ZNF420: variants seen among roughly 807,000 people sequenced by gnomAD.
The protein encoded by ZNF420 is zinc finger protein 420.
A neutral mutation model predicts 44.7 loss-of-function variants in ZNF420; 31 were observed. The observed-to-expected ratio is 0.69, with a 90% CI of 0.52 to 0.94. The LOEUF (loss-of-function observed/expected upper bound fraction) is 0.94. Among genes scored for constraint, ZNF420 ranks in the 40% least tolerant of loss-of-function variants. ZNF420 has a pLI of 0.00. For missense variants in ZNF420, 681 were observed against 827.9 expected (o/e 0.82, Z 2.18); for synonymous variants, 245 against 267.4 (o/e 0.92, Z 0.82).
intron 1 of ZNF420, chr19:37,025,224 T>A: frequency 2.8e-6 from 1 of 357,690 alleles, no homozygotes. Flanking sequence ...ATTCATAGGT[T>A]TTCTCAGCAT....
intron 1 of ZNF420, among the ~76,000 whole-genome samples, chr19:37,056,679 C>G (rs1179003670): frequency 6.6e-6 from 1 of 152,182 alleles, no homozygotes; most frequent in Non-Finnish European, 1.5e-5. Flanking sequence ...CTTCCCACCT[C>G]AACAGATAAG....
At chr19:37,014,055 C>T (rs569477359) in intron 1 of ZNF420, among the ~76,000 whole-genome samples, 5 of 152,292 alleles carry the variant, frequency 3.3e-5, no homozygotes, top group South Asian at 2.1e-4. Flanking sequence ...GGGCCTGTGC[C>T]GGAGAACAAG....
intron 1 of ZNF420, among the ~76,000 whole-genome samples, chr19:37,049,443 G>C (rs899547102): frequency 1.3e-5 from 2 of 152,180 alleles, no homozygotes; most frequent in African/African-American, 4.8e-5. Flanking sequence ...TTGTGGTTTT[G>C]ATTTGCATTT....
chr19:37,120,048 GA>G (rs1293697269), intron 4 of ZNF420, among the ~76,000 whole-genome samples: 1 of 152,152 alleles, frequency 6.6e-6, no homozygotes, highest in Non-Finnish European at 1.5e-5. Context: ...GAGGTACAAG[GA>G]GGAGCTGGTA....
chr19:37,019,917 G>A lies in ZNF420; in HGVS notation c.-125+11835G>A, dbSNP rs117688127. Among the ~76,000 whole-genome samples the A allele has an allele frequency of 6.4e-4, 97 of 151,364 alleles. No individual in the cohort carries two copies. In the East Asian group the frequency reaches 0.017, roughly 27 times the overall value. On this transcript the variant is annotated intron_variant, in intron 1 of 4. Transcript: ENST00000587029. ...AGCATCGCCATCTTGGACAAACACC[G>A]CCATTTTAAATTCCCCTTGGCCGAG...
At chr19:37,095,743 C>A (rs1045561014) in intron 4 of ZNF420, among the ~76,000 whole-genome samples, 1 of 152,094 alleles carries the variant, frequency 6.6e-6, no homozygotes, top group Admixed American at 6.6e-5. Flanking sequence ...GGATTACAGG[C>A]GCCCGCAGCC....
Position 37,128,765 on chromosome 19 carries a change from T to A in ZNF420, c.1774T>A (p.Cys592Ser). 1 of 1,613,100 alleles carries A rather than the reference T, an allele frequency of 6.2e-7. No homozygotes were observed. Among genetic ancestry groups the A allele is most frequent in the Non-Finnish European group, 8.5e-7 (1 of 1,179,834 alleles). The change falls in exon 5 of 5, where the codon TGT (cysteine) becomes AGT (serine). Residue 592 changes from cysteine (C) to serine (S), a missense_variant. By Grantham distance (112) the Cys-to-Ser change is moderately radical. Around this residue, in one of 3 missense-constraint regions of ZNF420, gnomAD observed 280 missense variants for 338.6 expected, o/e 0.83. Coordinates refer to ENST00000337995, the MANE Select transcript of ZNF420 (RefSeq NM_144689.5). ...AGAAAAACCCTATGAATGCAAGGAG[T>A]GTGGCAAGGCCTTTAGTCATGGCTC... ...TGEKPYECKE[C>S]GKAFSHGSQL...
chr19:37,044,702 C>A (rs1967514024), intron 1 of ZNF420, among the ~76,000 whole-genome samples: 4 of 152,072 alleles, frequency 2.6e-5, no homozygotes, highest in Admixed American at 6.6e-5. Flanking sequence ...CCCATCTCTA[C>A]TAAAAATACA....
intron 3 of ZNF420, among the ~76,000 whole-genome samples, chr19:37,090,030 A>T (rs1969043047): frequency 6.6e-6 from 1 of 152,174 alleles, no homozygotes; most frequent in Non-Finnish European, 1.5e-5. Flanking sequence ...TTACAGAAAA[A>T]TTTTACCATT....
At chr19:37,127,087 A>C (rs1971385873) in intron 4 of ZNF420, 41 bp from the exon 5 acceptor site, 1 of 1,435,190 alleles carries the variant, frequency 7.0e-7, no homozygotes, top group East Asian at 2.4e-5. Flanking sequence ...TTTCTATAGA[A>C]GTTATATTTC....
At chr19:37,064,510 C>T (rs1407465938) in intron 1 of ZNF420, among the ~76,000 whole-genome samples, 1 of 152,014 alleles carries the variant, frequency 6.6e-6, no homozygotes, top group Non-Finnish European at 1.5e-5. Flanking sequence ...TTTGCTGTGC[C>T]CAACACTGGA....
chr19:37,019,770 A>C (rs550044134), intron 1 of ZNF420, among the ~76,000 whole-genome samples: 5 of 39,294 alleles, frequency 1.3e-4, no homozygotes, highest in Admixed American at 1.2e-3. Flanking sequence ...CATCTGTCAC[A>C]AAAAAAAAAA....
intron 4 of ZNF420, chr19:37,091,338 T>A: frequency 3.0e-6 from 1 of 335,386 alleles, no homozygotes; most frequent in Non-Finnish European, 5.3e-6. Flanking sequence ...CCATCTTCCC[T>A]GATGAACAAA....
Position 37,054,084 on chromosome 19 carries a change from G to T in ZNF420, c.-124-26261G>T, listed in dbSNP as rs560178515. On this transcript the variant is annotated intron_variant, in intron 1 of 4. Transcript: ENST00000587029. Reference sequence around the variant, plus strand: ...CTGGCGCCCCTCCCCCAGCCTCGCCGCCCCCTTGCAGTTTGATCTCAGACT... The same window carrying T: ...CTGGCGCCCCTCCCCCAGCCTCGCCTCCCCCTTGCAGTTTGATCTCAGACT... 2.6e-5 allele frequency among the ~76,000 whole-genome samples: 4 copies of T among 152,236 alleles called. No homozygotes were observed. The East Asian group carries it at 7.8e-4, about 30-fold the overall frequency.
intron 4 of ZNF420, among the ~76,000 whole-genome samples, chr19:37,100,848 G>T (rs1206177586): frequency 6.6e-6 from 1 of 152,098 alleles, no homozygotes; most frequent in Non-Finnish European, 1.5e-5. Context: ...AGATTGTTTT[G>T]GGTAGTATGG....
intron 2 of ZNF420, among the ~76,000 whole-genome samples, chr19:37,088,681 T>G (rs1231499771): frequency 6.6e-6 from 1 of 152,270 alleles, no homozygotes; most frequent in African/African-American, 2.4e-5. Context: ...TTCTTCATTA[T>G]AAGTAATTGT....
intron 1 of ZNF420, among the ~76,000 whole-genome samples, chr19:37,079,433 T>C (rs1968305580): frequency 6.6e-6 from 1 of 152,330 alleles, no homozygotes; most frequent in East Asian, 1.9e-4. Context: ...CATGTGGCTC[T>C]GAGGACTTAA....
intron 1 of ZNF420, among the ~76,000 whole-genome samples, chr19:37,015,935 C>T (rs2074606165): frequency 1.3e-5 from 2 of 152,144 alleles, no homozygotes; most frequent in South Asian, 2.1e-4. Context: ...TCTCATGGGC[C>T]TAGGGTTTCC....
At chr19:37,083,403 T>C (rs931128437) in intron 2 of ZNF420, among the ~76,000 whole-genome samples, 7 of 152,228 alleles carry the variant, frequency 4.6e-5, no homozygotes, top group Non-Finnish European at 1.0e-4. Flanking sequence ...CTTGGTTACC[T>C]GAAGAATAGT....
Sources: gnomAD v4.1 joint callset for allele counts (sites outside exome capture counted in the v4.1 genomes callset) on GRCh38, gnomAD v4.1.1 for gene constraint, gnomAD v4.1.1 regional missense constraint, MANE v1.5 for transcripts, NCBI Gene and HGNC (gene_info 2026-07-23, HGNC 2026-07-21) for gene names.